Variants in SH3RF3 observed in about 807,000 individuals in gnomAD.
The protein encoded by SH3RF3 is E3 ubiquitin-protein ligase SH3RF3.
A neutral mutation model predicts 66.3 loss-of-function variants in SH3RF3; 29 were observed. The ratio of observed to expected loss-of-function variants is 0.44; its 90% CI spans 0.33 to 0.60. SH3RF3 has a LOEUF of 0.60. Among genes scored for constraint, SH3RF3 ranks in the 20% least tolerant of loss-of-function variants. The pLI, the probability that SH3RF3 is intolerant of heterozygous loss-of-function variation, is 0.04. For synonymous variants in SH3RF3, 583 were observed against 532.0 expected, an observed-to-expected ratio of 1.10 and a Z score of -1.32; for missense variants, 1,194 against 1,190.9, an observed-to-expected ratio of 1.00 and a Z score of -0.04.
At chr2:109,440,704 G>A (rs571125393) in intron 7 of SH3RF3, among the ~76,000 whole-genome samples, 4 of 152,184 alleles carry the variant, frequency 2.6e-5, no homozygotes, top group Non-Finnish European at 5.9e-5. Context: ...GAGCCCCGAG[G>A]ATGTGGAGAT....
At chr2:109,130,764 TA>T (rs1676675170) in intron 1 of SH3RF3, among the ~76,000 whole-genome samples, 6 of 152,268 alleles carry the variant, frequency 3.9e-5, no homozygotes, top group Non-Finnish European at 7.4e-5. Flanking sequence ...GGGTCATTTA[TA>T]TTTATTATTA....
chr2:109,217,775 C>T (rs1199280119), intron 1 of SH3RF3, among the ~76,000 whole-genome samples: 1 of 152,214 alleles, frequency 6.6e-6, no homozygotes, highest in African/African-American at 2.4e-5. Context: ...TCTTCTCCCG[C>T]CTGCATCTGA....
intron 1 of SH3RF3, among the ~76,000 whole-genome samples, chr2:109,191,886 A>G (rs62151260): frequency 0.062 from 9,406 of 152,172 alleles, 420 homozygotes; most frequent in Non-Finnish European, 0.099. Flanking sequence ...TGAAACCTTT[A>G]CTATTATTAT....
At chr2:109,352,568 T>C (rs976522351) in intron 2 of SH3RF3, among the ~76,000 whole-genome samples, 2 of 152,252 alleles carry the variant, frequency 1.3e-5, no homozygotes, top group Admixed American at 6.5e-5. Context: ...TTTACCTCTT[T>C]TTGTATCATG....
intron 8 of SH3RF3, among the ~76,000 whole-genome samples, chr2:109,455,034 A>G (rs1019785540): frequency 1.3e-5 from 2 of 152,078 alleles, no homozygotes; most frequent in Admixed American, 1.3e-4. Flanking sequence ...TAAACTCTCC[A>G]TTTTCCATGA....
chr2:109,169,993 C>A (rs1394806028), intron 1 of SH3RF3, among the ~76,000 whole-genome samples: 2 of 152,126 alleles, frequency 1.3e-5, no homozygotes, highest in African/African-American at 4.8e-5. Context: ...AACATCACAT[C>A]CTATTTTCCT....
chr2:109,199,589 G>GTAACCCT (rs1678603677), intron 1 of SH3RF3, among the ~76,000 whole-genome samples: 5 of 474 alleles, frequency 0.011, no homozygotes, highest in African/African-American at 0.018. Flanking sequence ...GAATGGAATG[G>GTAACCCT]AATGGAATGG....
chr2:109,343,471 T>A (rs1317962038), intron 1 of SH3RF3, among the ~76,000 whole-genome samples: 1 of 152,150 alleles, frequency 6.6e-6, no homozygotes, highest in Admixed American at 6.5e-5. Context: ...GAGATGGGGA[T>A]ACAGGGGGCT....
chr2:109,416,242 G>C (rs546368594), intron 4 of SH3RF3, among the ~76,000 whole-genome samples: 10 of 152,248 alleles, frequency 6.6e-5, no homozygotes, highest in African/African-American at 2.4e-4. Context: ...AGCCCAGGTT[G>C]GGTACCTGTG....
chr2:109,321,879 T>G (rs1476081205), intron 1 of SH3RF3, among the ~76,000 whole-genome samples: 1 of 152,216 alleles, frequency 6.6e-6, no homozygotes, highest in Non-Finnish European at 1.5e-5. Flanking sequence ...CACTGCTTAC[T>G]TCAAGTCCCA....
At chr2:109,334,548 G>T (rs1412823258) in intron 1 of SH3RF3, among the ~76,000 whole-genome samples, 1 of 152,120 alleles carries the variant, frequency 6.6e-6, no homozygotes, top group Non-Finnish European at 1.5e-5. Flanking sequence ...GCCAGCAGGG[G>T]AACCCTCACC....
At chr2:109,176,844 GT>G (rs1255220866) in intron 1 of SH3RF3, among the ~76,000 whole-genome samples, 1 of 152,216 alleles carries the variant, frequency 6.6e-6, no homozygotes, top group Non-Finnish European at 1.5e-5. Context: ...TTGTTGAACA[GT>G]TTTCAGCCCA....
At chr2:109,409,044 T>C in intron 4 of SH3RF3, among the ~76,000 whole-genome samples, 1 of 152,232 alleles carries the variant, frequency 6.6e-6, no homozygotes, top group East Asian at 1.9e-4. Context: ...ATAACTTCCT[T>C]AACAGACCTC....
At chr2:109,327,151 A>G (rs572911721) in intron 1 of SH3RF3, among the ~76,000 whole-genome samples, 6 of 152,276 alleles carry the variant, frequency 3.9e-5, no homozygotes, top group Admixed American at 2.0e-4. Flanking sequence ...GGAGCTTTTT[A>G]TTAACTTTTA....
chr2:109,404,652 A>G (rs1316346124), intron 4 of SH3RF3, among the ~76,000 whole-genome samples: 1 of 152,126 alleles, frequency 6.6e-6, no homozygotes, highest in African/African-American at 2.4e-5. Flanking sequence ...GCGGCCAAGC[A>G]GAGCTGACCC....
chr2:109,446,062 T>A (rs1002738489), intron 7 of SH3RF3, among the ~76,000 whole-genome samples: 2 of 152,100 alleles, frequency 1.3e-5, no homozygotes, highest in Non-Finnish European at 2.9e-5. Context: ...AAAGAAGATG[T>A]GGGCTACTTT....
intron 1 of SH3RF3, among the ~76,000 whole-genome samples, chr2:109,134,808 T>G (rs1039255007): frequency 3.9e-5 from 6 of 152,212 alleles, no homozygotes; most frequent in African/African-American, 1.4e-4. Flanking sequence ...CGGCTGCAGA[T>G]GCTCTTCTAT....
chr2:109,359,728 T>C (rs1312076753), intron 2 of SH3RF3, among the ~76,000 whole-genome samples: 4 of 152,042 alleles, frequency 2.6e-5, no homozygotes, highest in Non-Finnish European at 5.9e-5. Context: ...ATGTAATGGG[T>C]TGTAGTCAAA....
At chr2:109,229,822 CTTTCT>C (rs1679455000) in intron 1 of SH3RF3, among the ~76,000 whole-genome samples, 1 of 124,958 alleles carries the variant, frequency 8.0e-6, no homozygotes, top group Non-Finnish European at 1.6e-5. Context: ...TTTTCTTTTT[CTTTCT>C]TTTTTTTTTT....
Sources: gnomAD v4.1 joint callset for allele counts (sites outside exome capture counted in the v4.1 genomes callset) on GRCh38, gnomAD v4.1.1 for gene constraint, MANE v1.5 for transcripts, NCBI Gene and HGNC (gene_info 2026-07-23, HGNC 2026-07-21) for gene names.